FARP1: variants seen among roughly 807,000 people sequenced by gnomAD.
FARP1 encodes FERM, ARHGEF and pleckstrin domain-containing protein 1.
FARP1 carries 52 observed loss-of-function variants against 128.8 expected under a neutral mutation model. The ratio of observed to expected loss-of-function variants is 0.40; its 90% CI spans 0.32 to 0.51. FARP1 has a LOEUF of 0.51. Ranked by LOEUF, FARP1 falls within the 20% of genes least tolerant of loss-of-function variation. The pLI, the probability that FARP1 is intolerant of heterozygous loss-of-function variation, is 0.45. For synonymous variants in FARP1, 580 were observed against 551.8 expected (o/e 1.05, Z -0.72); for missense variants, 1,333 against 1,367.9 (o/e 0.97, Z 0.40).
At chr13:98,433,375 C>G (rs1377378104) in intron 18 of FARP1, 1 of 152,190 alleles carries the variant, frequency 6.6e-6, no homozygotes, top group East Asian at 1.9e-4. Flanking sequence ...AGTGACAGTT[C>G]ACAGAAGGGG....
chr13:98,197,410 G>A (rs1159698292), intron 1 of FARP1, among the ~76,000 whole-genome samples: 5 of 151,932 alleles, frequency 3.3e-5, no homozygotes, highest in Non-Finnish European at 5.9e-5. Flanking sequence ...AGGTTGCAGT[G>A]AGCTGAGATC....
intron 1 of FARP1, among the ~76,000 whole-genome samples, chr13:98,159,276 C>A (rs1276529626): frequency 6.6e-6 from 1 of 152,118 alleles, no homozygotes; most frequent in Non-Finnish European, 1.5e-5. Context: ...TGACAGGAAG[C>A]TGAGGCTTAG....
intron 2 of FARP1, among the ~76,000 whole-genome samples, chr13:98,324,769 C>G (rs1004807926): frequency 7.9e-5 from 12 of 152,292 alleles, no homozygotes; most frequent in African/African-American, 2.6e-4. Context: ...AGTAAAGACT[C>G]TTGGAAGCAT....
chr13:98,343,932 G>A (rs2139877469), intron 3 of FARP1, 66 bp downstream of exon 3: 1 of 1,032,586 alleles, frequency 9.7e-7, no homozygotes, highest in Non-Finnish European at 1.5e-6. Context: ...GCTGGGCAGG[G>A]GCCAGTCTAA....
chr13:98,437,725 C>A (rs1386393133), intron 19 of FARP1: 10 of 977,082 alleles, frequency 1.0e-5, no homozygotes, highest in Non-Finnish European at 1.5e-5. Flanking sequence ...ACCTGTATAG[C>A]TTCTCCGCTT....
At position 98,176,865 on chromosome 13, in the gene FARP1, C is replaced by T. The variant is rs1266642411; in HGVS notation, c.-24+33373C>T. ...GCTGGCTGCACTTGAGGATGGTCGG[C>T]GTATGGTGCTCCTTCTCGGTGTCCT... On this transcript the variant is annotated intron_variant, in intron 1 of 26. Coordinates refer to ENST00000319562, the MANE Select transcript of FARP1 (RefSeq NM_005766.4). This position sits in a 1 kb window ranked among gnomAD's most constrained non-coding sequence, Gnocchi z 6.2. The T allele has an allele frequency of 1.9e-6, 3 of 1,609,212 alleles. No individual in the cohort carries two copies. The highest frequency in any genetic ancestry group is 1.7e-6 in the Non-Finnish European group (2 of 1,179,974).
chr13:98,445,327 C>T (rs1892756293), intron 24 of FARP1: 1 of 152,304 alleles, frequency 6.6e-6, no homozygotes, highest in Non-Finnish European at 1.5e-5. Context: ...GGTGATGTCA[C>T]TTTGGCAAAG....
intron 2 of FARP1, among the ~76,000 whole-genome samples, chr13:98,236,349 G>A (rs1882419029): frequency 6.6e-6 from 1 of 152,150 alleles, no homozygotes; most frequent in Non-Finnish European, 1.5e-5. Context: ...TTAAAACCAT[G>A]TAAGGCCATA....
At chr13:98,197,797 G>A (rs944319919) in intron 1 of FARP1, among the ~76,000 whole-genome samples, 1 of 151,808 alleles carries the variant, frequency 6.6e-6, no homozygotes, top group Non-Finnish European at 1.5e-5. Context: ...ACCACGCCCG[G>A]CTAATTTTTT....
intron 1 of FARP1, among the ~76,000 whole-genome samples, chr13:98,185,553 ATG>A (rs1377103699): frequency 1.3e-5 from 2 of 151,992 alleles, no homozygotes; most frequent in Admixed American, 6.5e-5. Flanking sequence ...TCGAAATGGG[ATG>A]CTACCTTTCT....
chr13:98,171,770 T>C (rs1475256179), intron 1 of FARP1, among the ~76,000 whole-genome samples: 5 of 152,222 alleles, frequency 3.3e-5, no homozygotes, highest in African/African-American at 1.2e-4. Flanking sequence ...CTAATTTATA[T>C]GATTTGCTTA....
intron 2 of FARP1, among the ~76,000 whole-genome samples, chr13:98,227,774 G>A (rs1241200654): frequency 1.3e-5 from 2 of 152,226 alleles, no homozygotes; most frequent in South Asian, 4.1e-4. Flanking sequence ...CGTGCAAAAT[G>A]GTGTACTATT....
chr13:98,184,373 A>C (rs1397153273), intron 1 of FARP1, among the ~76,000 whole-genome samples: 2 of 152,110 alleles, frequency 1.3e-5, no homozygotes, highest in African/African-American at 2.4e-5. Flanking sequence ...CTGCCTCCCA[A>C]AGTGCTGGGA....
chr13:98,285,202 G>T (rs1885108652), intron 2 of FARP1, among the ~76,000 whole-genome samples: 1 of 151,936 alleles, frequency 6.6e-6, no homozygotes, highest in Non-Finnish European at 1.5e-5. Flanking sequence ...TTTTTATTTT[G>T]AAGGGAAAAA....
chr13:98,211,578 T>C (rs1370319099), intron 1 of FARP1, among the ~76,000 whole-genome samples: 1 of 152,204 alleles, frequency 6.6e-6, no homozygotes, highest in Non-Finnish European at 1.5e-5. Flanking sequence ...TCTCACTCTT[T>C]TTTGCCTGTG....
intron 16 of FARP1, among the ~76,000 whole-genome samples, chr13:98,420,021 T>A (rs1449670174): frequency 1.3e-5 from 2 of 152,094 alleles, no homozygotes; most frequent in African/African-American, 2.4e-5. Flanking sequence ...CCTGGCCAAA[T>A]GTTACTGCCT....
At chr13:98,374,970 T>C (rs1889518179) in intron 5 of FARP1, among the ~76,000 whole-genome samples, 1 of 152,176 alleles carries the variant, frequency 6.6e-6, no homozygotes, top group Non-Finnish European at 1.5e-5. Flanking sequence ...CAAGGGAGGT[T>C]ATTAGTCTAT....
chr13:98,277,109 TACACACACACACAC>T (rs368911842), intron 2 of FARP1, among the ~76,000 whole-genome samples: 18 of 118,198 alleles, frequency 1.5e-4, no homozygotes, highest in Admixed American at 5.6e-4. Flanking sequence ...TCTAGAAAAA[TACACACACACACAC>T]ACACACACAC....
In FARP1 at chr13:98,453,222, A is replaced by G. The variant is rs753940415; in HGVS notation, c.*4905A>G. On this transcript the variant is annotated 3_prime_UTR_variant, in exon 27 of 27. Coordinates refer to ENST00000319562, the MANE Select transcript of FARP1 (RefSeq NM_005766.4). ...ACTTAGAGAGTATCTAGGGAAAAAG[A>G]GAGAGAGAGAAGTCAACACATGTCA... The G allele has an allele frequency of 6.2e-7, 1 of 1,611,356 alleles. No homozygotes were observed. The highest frequency in any genetic ancestry group is 8.5e-7 in the Non-Finnish European group (1 of 1,178,818).
Sources: gnomAD v4.1 joint callset for allele counts (sites outside exome capture counted in the v4.1 genomes callset) on GRCh38, gnomAD v4.1.1 for gene constraint, Gnocchi (gnomAD v3.1) non-coding constraint, MANE v1.5 for transcripts, NCBI Gene and HGNC (gene_info 2026-07-23, HGNC 2026-07-21) for gene names.